ARHGAP10: variants seen among roughly 807,000 people sequenced by gnomAD.
The protein encoded by ARHGAP10 is Rho GTPase activating protein 10, also known as rho GTPase-activating protein 10.
Under a neutral mutation model 108.6 loss-of-function variants are expected in ARHGAP10, and 87 were observed. That is an observed-to-expected ratio of 0.80 (90% CI 0.67 to 0.96). The LOEUF (loss-of-function observed/expected upper bound fraction) is 0.96, where lower values mean the gene tolerates loss of function less well. Among genes scored for constraint, ARHGAP10 ranks in the 40% least tolerant of loss-of-function variants. The pLI is 0.00. For missense variants in ARHGAP10, 939 were observed against 954.5 expected (o/e 0.98, Z 0.21); for synonymous variants, 347 against 341.1 (o/e 1.02, Z -0.19).
At chr4:147,896,825 T>C (rs994568486) in intron 10 of ARHGAP10, among the ~76,000 whole-genome samples, 5 of 152,186 alleles carry the variant, frequency 3.3e-5, no homozygotes, top group African/African-American at 1.2e-4. Context: ...TATTTCCTTA[T>C]GTGATTAGGC....
At chr4:147,745,871 C>T (rs1012549235) in intron 1 of ARHGAP10, among the ~76,000 whole-genome samples, 1 of 149,602 alleles carries the variant, frequency 6.7e-6, no homozygotes, top group Non-Finnish European at 1.5e-5. Flanking sequence ...ACGGCAACCT[C>T]CACTTCCCAG....
intron 1 of ARHGAP10, among the ~76,000 whole-genome samples, chr4:147,800,718 C>T (rs1278059394): frequency 1.3e-5 from 2 of 152,198 alleles, no homozygotes; most frequent in African/African-American, 4.8e-5. Context: ...CTTTGGTTAT[C>T]TCCTCTGCTA....
intron 1 of ARHGAP10, among the ~76,000 whole-genome samples, chr4:147,783,457 T>G (rs1487719124): frequency 6.9e-6 from 1 of 144,760 alleles, no homozygotes; most frequent in Non-Finnish European, 1.5e-5. Context: ...TAGCACACAT[T>G]AAATTATGTA....
chr4:147,911,553 G>A lies in ARHGAP10; in HGVS notation c.1163-1521G>A, dbSNP rs534958444. On this transcript the variant is annotated intron_variant, in intron 12 of 22. Transcript: ENST00000336498. Reference sequence around the variant, plus strand: ...AATTTATTGTATTTTTAGTAGAGACGGGGTTTCACCGTGTTAGCCAGGATG... The same window carrying A: ...AATTTATTGTATTTTTAGTAGAGACAGGGTTTCACCGTGTTAGCCAGGATG... Among the ~76,000 whole-genome samples, 36 of 152,244 alleles carry A rather than the reference G, an allele frequency of 2.4e-4. No individual in the cohort carries two copies. The South Asian group carries it at 4.1e-3, about 18-fold the overall frequency.
At chr4:147,917,868 C>A (rs17024137) in intron 13 of ARHGAP10, among the ~76,000 whole-genome samples, 20,046 of 152,068 alleles carry the variant, frequency 0.13, 3,028 homozygotes, top group African/African-American at 0.36. Flanking sequence ...TAAACCAGTC[C>A]TTTATTCAAA....
chr4:148,017,682 A>ATATATATGTG (rs1437383455), intron 18 of ARHGAP10, among the ~76,000 whole-genome samples: 3 of 135,264 alleles, frequency 2.2e-5, no homozygotes, highest in Admixed American at 7.3e-5. Context: ...ATATATATAT[A>ATATATATGTG]TGTGTGTGTA....
At chr4:147,821,530 C>T (rs1732497882) in intron 1 of ARHGAP10, among the ~76,000 whole-genome samples, 1 of 152,066 alleles carries the variant, frequency 6.6e-6, no homozygotes, top group African/African-American at 2.4e-5. Flanking sequence ...AAATTGCAAA[C>T]AGCACGATAA....
intron 13 of ARHGAP10, among the ~76,000 whole-genome samples, chr4:147,928,503 A>C (rs373764532): frequency 1.3e-5 from 2 of 152,354 alleles, no homozygotes; most frequent in Admixed American, 6.5e-5. Context: ...TTACACAAAG[A>C]GTAGGAGAAG....
chr4:147,871,388 C>T (rs567924560), intron 7 of ARHGAP10, among the ~76,000 whole-genome samples: 5 of 152,204 alleles, frequency 3.3e-5, no homozygotes, highest in South Asian at 2.1e-4. Flanking sequence ...TAGGACTATT[C>T]GTGTCCGTCT....
intron 3 of ARHGAP10, among the ~76,000 whole-genome samples, chr4:147,839,418 G>T (rs1448303425): frequency 6.6e-6 from 1 of 152,108 alleles, no homozygotes; most frequent in Non-Finnish European, 1.5e-5. Context: ...GAGTGTTCTG[G>T]GGAACGGATG....
intron 1 of ARHGAP10, among the ~76,000 whole-genome samples, chr4:147,757,190 CTTTTTTTTTTTTT>C (rs763282506): frequency 8.6e-6 from 1 of 115,624 alleles, no homozygotes; most frequent in Non-Finnish European, 1.8e-5. Context: ...ACAGTCTAGC[CTTTTTTTTTTTTT>C]TTTTTTTTTG....
At chr4:148,013,627 G>T (rs1406103440) in intron 18 of ARHGAP10, among the ~76,000 whole-genome samples, 1 of 152,172 alleles carries the variant, frequency 6.6e-6, no homozygotes, top group Non-Finnish European at 1.5e-5. Flanking sequence ...GACGGAGCTT[G>T]CAGTGAGCTG....
intron 20 of ARHGAP10, among the ~76,000 whole-genome samples, chr4:148,049,853 G>A (rs1425184656): frequency 1.5e-5 from 2 of 129,694 alleles, no homozygotes; most frequent in African/African-American, 5.6e-5. Context: ...GGGGCGGGGG[G>A]CGGGGGGTGG....
intron 20 of ARHGAP10, among the ~76,000 whole-genome samples, chr4:148,056,779 C>G (rs181153252): frequency 2.0e-5 from 3 of 152,130 alleles, no homozygotes; most frequent in Admixed American, 6.5e-5. Context: ...TTAATATAGT[C>G]ATACTTTTTT....
intron 14 of ARHGAP10, among the ~76,000 whole-genome samples, chr4:147,943,514 TA>T (rs1332011672): frequency 6.6e-6 from 1 of 152,238 alleles, no homozygotes; most frequent in East Asian, 1.9e-4. Flanking sequence ...AGCAGCTGCA[TA>T]AAATTGCACT....
intron 6 of ARHGAP10, 164 bp from the exon 7 acceptor site, chr4:147,866,548 A>T: frequency 3.6e-6 from 2 of 558,444 alleles, no homozygotes; most frequent in Non-Finnish European, 6.4e-6. Flanking sequence ...CAATTAATAG[A>T]TAATATGTAC....
At chr4:147,933,366 T>G (rs1263982312) in intron 13 of ARHGAP10, among the ~76,000 whole-genome samples, 1 of 152,200 alleles carries the variant, frequency 6.6e-6, no homozygotes, top group Non-Finnish European at 1.5e-5. Context: ...GTAGCTGGGA[T>G]TACAGGCACT....
intron 18 of ARHGAP10, among the ~76,000 whole-genome samples, chr4:148,021,852 A>AT (rs1252825951): frequency 6.6e-6 from 1 of 152,238 alleles, no homozygotes; most frequent in Non-Finnish European, 1.5e-5. Context: ...AATAAATTAA[A>AT]TTTTCACTAG....
At chr4:147,853,742 T>A (rs925255069) in intron 4 of ARHGAP10, among the ~76,000 whole-genome samples, 2 of 122,832 alleles carry the variant, frequency 1.6e-5, no homozygotes, top group Admixed American at 1.4e-4. Context: ...TTATTATGAT[T>A]TTTTTTTTAT....
Sources: gnomAD v4.1 joint callset for allele counts (sites outside exome capture counted in the v4.1 genomes callset) on GRCh38, gnomAD v4.1.1 for gene constraint, MANE v1.5 for transcripts, NCBI Gene and HGNC (gene_info 2026-07-23, HGNC 2026-07-21) for gene names.